The following CIROP variants were observed in gnomAD, a reference collection of about 807,000 sequenced individuals.
The protein encoded by CIROP is ciliated left-right organizer metallopeptidase, also known as leishmanolysin homolog.
chr14:23,100,497 CT>C, the CIROP span: 4 of 413,352 alleles, frequency 9.7e-6, no homozygotes, highest in Admixed American at 1.8e-4. Context: ...CTTGGAATAT[CT>C]TACTTGCTGG....
chr14:23,102,775 T>C, the CIROP span: 1 of 700,446 alleles, frequency 1.4e-6, no homozygotes, highest in South Asian at 1.5e-5. Flanking sequence ...CCAAACACTC[T>C]ATAACCCCTC....
chr14:23,099,870 T>C, the CIROP span: 1 of 171,056 alleles, frequency 5.8e-6, no homozygotes, highest in Non-Finnish European at 1.4e-5. Context: ...CATCTTATAT[T>C]ATTGGAAGAA....
the CIROP span, chr14:23,102,571 A>G: frequency 1.4e-6 from 1 of 701,900 alleles, no homozygotes; most frequent in South Asian, 1.5e-5. Flanking sequence ...ACGTTATGAG[A>G]TAGTGAATTT....
chr14:23,099,687 A>T, the CIROP span: 5 of 356,982 alleles, frequency 1.4e-5, no homozygotes, highest in African/African-American at 2.1e-5. Flanking sequence ...AACCTTCCGA[A>T]TAGCTGGGAC....
chr14:23,102,168 G>A, the CIROP span: 32 of 702,988 alleles, frequency 4.6e-5, no homozygotes, highest in Admixed American at 3.6e-4. Flanking sequence ...CAGCGAGGGT[G>A]ATTGGGTCGA....
chr14:23,099,450 G>A, the CIROP span: 1 of 413,362 alleles, frequency 2.4e-6, no homozygotes, highest in Non-Finnish European at 4.4e-6. Context: ...ACAGCCTTAG[G>A]TGGGTCATGG....
the CIROP span, chr14:23,103,561 G>GCAAAA: frequency 6.5e-4 from 302 of 463,246 alleles, 1 homozygote; most frequent in African/African-American, 1.1e-3. Flanking sequence ...GAAAACAAAA[G>GCAAAA]CAAAATAAAA....
chr14:23,101,699 G>T, the CIROP span: 3 of 702,900 alleles, frequency 4.3e-6, no homozygotes, highest in African/African-American at 3.5e-5. Flanking sequence ...ACATGCGGCA[G>T]CCTTCCAGCA....
chr14:23,102,907 T>G, the CIROP span: 1 of 607,412 alleles, frequency 1.6e-6, no homozygotes, highest in Non-Finnish European at 2.9e-6. Flanking sequence ...CTTCTCCCTA[T>G]TCATCATGCA....
At chr14:23,099,582 C>G in the CIROP span, 1 of 352,262 alleles carries the variant, frequency 2.8e-6, no homozygotes, top group Non-Finnish European at 4.9e-6. Context: ...TTTTTGGAGA[C>G]AAGGTCTTGG....
the CIROP span, chr14:23,103,270 TG>T: frequency 5.0e-6 from 2 of 402,380 alleles, no homozygotes; most frequent in East Asian, 7.4e-5. Context: ...TGCTTTTGGC[TG>T]GGCATGGTGG....
chr14:23,104,886 GGCAGCAGCAGCAGCAGCA>G, the CIROP span: 1 of 453,798 alleles, frequency 2.2e-6, no homozygotes, highest in South Asian at 2.9e-5. Flanking sequence ...GACTAGTGGC[GGCAGCAGCAGCAGCAGCA>G]GCAGCAGCAG....
chr14:23,099,373 C>G, the CIROP span: 4 of 413,314 alleles, frequency 9.7e-6, no homozygotes, highest in African/African-American at 8.2e-5. Flanking sequence ...AAGAGTGGCT[C>G]TTTTCTGGTA....
At chr14:23,102,105 C>T in the CIROP span, 1 of 703,088 alleles carries the variant, frequency 1.4e-6, no homozygotes, top group Admixed American at 2.0e-5. Context: ...GGCCCCACAA[C>T]AGCTCCTCTG....
At chr14:23,102,160 G>C in the CIROP span, 1 of 703,050 alleles carries the variant, frequency 1.4e-6, no homozygotes, top group South Asian at 1.5e-5. Flanking sequence ...TTTGAAGGCA[G>C]CGAGGGTGAT....
chr14:23,102,134 G>T, the CIROP span: 1 of 703,010 alleles, frequency 1.4e-6, no homozygotes, highest in South Asian at 1.5e-5. Flanking sequence ...TGGTTGACCT[G>T]GTACCAGCCT....
chr14:23,104,707 G>A, the CIROP span: 1 of 702,966 alleles, frequency 1.4e-6, no homozygotes, highest in Non-Finnish European at 2.6e-6. Flanking sequence ...TCTGATATAT[G>A]ATCTCCTAGA....
At chr14:23,104,461 G>A in the CIROP span, 2 of 703,014 alleles carry the variant, frequency 2.8e-6, no homozygotes, top group Admixed American at 4.0e-5. Context: ...AGAAGCAGGG[G>A]TCCTTGCACT....
the CIROP span, chr14:23,103,032 G>A: frequency 1.7e-6 from 1 of 575,268 alleles, no homozygotes; most frequent in Non-Finnish European, 3.1e-6. Flanking sequence ...GCAGCAGGCA[G>A]CATAGGCTAT....
Sources: gnomAD v4.1 joint callset for allele counts on GRCh38, gnomAD v4.1.1 for gene constraint, MANE v1.5 for transcripts, NCBI Gene and HGNC (gene_info 2026-07-23, HGNC 2026-07-21) for gene names.